Variants in TMEM117 observed in about 807,000 individuals in gnomAD.
TMEM117 encodes the protein transmembrane protein 117.
TMEM117 carries 27 observed loss-of-function variants against 52.4 expected under a neutral mutation model. The observed-to-expected ratio is 0.51, with a 90% CI of 0.38 to 0.71. The LOEUF is 0.71. Ranked by LOEUF, TMEM117 falls within the 30% of genes least tolerant of loss-of-function variation. TMEM117 has a pLI of 0.00. For missense variants in TMEM117, 556 were observed against 630.5 expected (o/e 0.88, Z 1.26); for synonymous variants, 215 against 206.3 (o/e 1.04, Z -0.36).
At chr12:44,250,767 T>C (rs1382679784) in intron 5 of TMEM117, among the ~76,000 whole-genome samples, 2 of 152,032 alleles carry the variant, frequency 1.3e-5, no homozygotes, top group Non-Finnish European at 2.9e-5. Context: ...ATGTTCTTGC[T>C]CCTAAGTGGG....
At chr12:44,047,307 A>G (rs1946895560) in intron 3 of TMEM117, among the ~76,000 whole-genome samples, 1 of 152,126 alleles carries the variant, frequency 6.6e-6, no homozygotes, top group South Asian at 2.1e-4. Flanking sequence ...TTGAGCTCAT[A>G]ATCCATGGGA....
At chr12:44,280,044 A>T (rs757081222) in intron 5 of TMEM117, among the ~76,000 whole-genome samples, 4 of 152,206 alleles carry the variant, frequency 2.6e-5, no homozygotes, top group Non-Finnish European at 5.9e-5. Context: ...CATAAAAAGC[A>T]GTAATATTCA....
At chr12:44,392,492 G>A (rs1952165437), downstream of TMEM117, among the ~76,000 whole-genome samples, 1 of 152,044 alleles carries the variant, frequency 6.6e-6, no homozygotes, top group Non-Finnish European at 1.5e-5. Context: ...AGGCTGGTTG[G>A]TTGGTTAGTT....
At chr12:43,919,390 C>T (rs10880589) in intron 2 of TMEM117, among the ~76,000 whole-genome samples, 26,246 of 152,148 alleles carry the variant, frequency 0.17, 3,468 homozygotes, top group African/African-American at 0.36. Context: ...ATCATGCTGT[C>T]TTTGTCCTGT....
intron 2 of TMEM117, among the ~76,000 whole-genome samples, chr12:43,880,002 A>G (rs142146225): frequency 6.8e-4 from 103 of 152,350 alleles, no homozygotes; most frequent in African/African-American, 2.3e-3. Flanking sequence ...TTCATTTGTA[A>G]GGAATATAAA....
At chr12:44,188,867 C>G (rs574829496) in intron 4 of TMEM117, among the ~76,000 whole-genome samples, 1 of 151,736 alleles carries the variant, frequency 6.6e-6, no homozygotes, top group Non-Finnish European at 1.5e-5. Context: ...CTGTAATTTT[C>G]GTTTGTTTTT....
chr12:44,376,817 G>A, intron 7 of TMEM117, 93 bp downstream of exon 7: 2 of 1,321,644 alleles, frequency 1.5e-6, no homozygotes, highest in South Asian at 3.0e-5. Flanking sequence ...ATATTTGAGA[G>A]GCATAAATAC....
At chr12:44,214,492 T>C (rs1592612259) in intron 5 of TMEM117, among the ~76,000 whole-genome samples, 1 of 152,084 alleles carries the variant, frequency 6.6e-6, no homozygotes. Flanking sequence ...TTTTAACATA[T>C]GTGATAACAT....
intron 3 of TMEM117, among the ~76,000 whole-genome samples, chr12:44,128,000 C>T (rs1428804858): frequency 6.6e-6 from 1 of 152,190 alleles, no homozygotes; most frequent in African/African-American, 2.4e-5. Flanking sequence ...AAATGGAAAG[C>T]CTTTTAAAGA....
chr12:44,040,636 C>T (rs1946782313), intron 3 of TMEM117, among the ~76,000 whole-genome samples: 1 of 151,988 alleles, frequency 6.6e-6, no homozygotes, highest in Non-Finnish European at 1.5e-5. Context: ...ATATCTTATT[C>T]CTGTATTATT....
rs143570086 is a variant in TMEM117, at chr12:43,900,696, C to T, written c.278-43514C>T. 7.2e-3 allele frequency among the ~76,000 whole-genome samples: 1,062 copies of T among 146,546 alleles called. 2 individuals are homozygous for T. Among genetic ancestry groups the T allele is most frequent in the Non-Finnish European group, 0.012 (806 of 67,292 alleles). ...TCGCGCCACTGTACTCCAGCCTGGG[C>T]GACAGAGTGAGACTTTGTCTCAAAA... On this transcript the variant is annotated intron_variant, in intron 2 of 7. Transcript: ENST00000266534.
At chr12:43,946,260 G>A (rs1249801930) in intron 3 of TMEM117, among the ~76,000 whole-genome samples, 2 of 152,088 alleles carry the variant, frequency 1.3e-5, no homozygotes, top group Non-Finnish European at 2.9e-5. Context: ...AGCACTGAGA[G>A]CAGAAGGAGA....
chr12:43,964,882 G>T (rs1260732236), intron 3 of TMEM117, among the ~76,000 whole-genome samples: 2 of 152,178 alleles, frequency 1.3e-5, no homozygotes, highest in African/African-American at 4.8e-5. Flanking sequence ...TTAAGTTATT[G>T]AATTTCGAAG....
At chr12:44,042,421 T>G (rs1946814203) in intron 3 of TMEM117, among the ~76,000 whole-genome samples, 1 of 152,148 alleles carries the variant, frequency 6.6e-6, no homozygotes, top group Non-Finnish European at 1.5e-5. Flanking sequence ...TTGACTGGAT[T>G]GAAGGATACA....
intron 2 of TMEM117, among the ~76,000 whole-genome samples, chr12:43,861,532 G>A (rs935217976): frequency 3.9e-5 from 6 of 152,216 alleles, no homozygotes; most frequent in African/African-American, 1.2e-4. Context: ...AAAGAGGACA[G>A]AGAATTTGCT....
chr12:43,829,644 G>A, the TMEM117 span, among the ~76,000 whole-genome samples: 1 of 152,182 alleles, frequency 6.6e-6, no homozygotes, highest in South Asian at 2.1e-4. Flanking sequence ...GAAAGGGAAC[G>A]TCAGCTCAAA....
rs986828825 is a variant in TMEM117, at chr12:44,388,154, G to A, written c.1027G>A (p.Val343Met). The change falls in exon 8 of 8, where the codon GTG becomes ATG. Residue 343 changes from valine to methionine, a missense_variant. This residue lies in a region of TMEM117 where 206 missense variants were observed against 211.1 expected (regional missense o/e 0.98). Transcript: ENST00000266534. ...YIGPGQKIYT[V>M]KDSESLKDLN... is the part of the protein sequence containing the mutation. ...CGGCCCGGGGCAGAAGATATATACA[G>A]TGAAAGACTCAGAAAGTTTAAAAGA... is the stretch of plus-strand genomic sequence containing the variant. 2 of 1,613,120 alleles carry A rather than the reference G, an allele frequency of 1.2e-6. No individual in the cohort carries two copies. The highest frequency in any genetic ancestry group is 1.3e-5 in the African/African-American group (1 of 74,838).
chr12:44,138,529 T>C (rs1344168375), intron 3 of TMEM117, among the ~76,000 whole-genome samples: 1 of 152,194 alleles, frequency 6.6e-6, no homozygotes, highest in Non-Finnish European at 1.5e-5. Flanking sequence ...TGGTTAATGA[T>C]ACTCTGTCTC....
chr12:43,811,057 C>CT, the TMEM117 span, among the ~76,000 whole-genome samples: 1 of 152,302 alleles, frequency 6.6e-6, no homozygotes, highest in South Asian at 2.1e-4. Context: ...GTGAGATAGA[C>CT]TGTTGCTACA....
Sources: allele counts gnomAD v4.1 joint callset (sites outside exome capture counted in the v4.1 genomes callset), GRCh38; gene constraint gnomAD v4.1.1; regional missense constraint gnomAD v4.1.1; transcripts MANE v1.5; gene names NCBI Gene and HGNC (gene_info 2026-07-23, HGNC 2026-07-21).